Variants in PXDNL observed in about 807,000 individuals in gnomAD.
PXDNL encodes the protein peroxidasin like, also known as probable oxidoreductase PXDNL.
In PXDNL, 145 loss-of-function variants were observed where a neutral mutation model predicts 150.8. The observed-to-expected ratio is 0.96, with a 90% confidence interval of 0.84 to 1.10. The LOEUF is 1.10. PXDNL is among the 50% of genes least tolerant of loss of function. The probability of loss-of-function intolerance (pLI) is 0.00; values close to 1 mark genes in which losing one functional copy is unlikely to be tolerated. For synonymous variants in PXDNL, 757 were observed against 725.7 expected, an observed-to-expected ratio of 1.04 and a Z score of -0.69; for missense variants, 2,087 against 1,873.9, an observed-to-expected ratio of 1.11 and a Z score of -2.10.
intron 4 of PXDNL, among the ~76,000 whole-genome samples, chr8:51,514,966 C>G (rs1311553889): frequency 1.3e-5 from 2 of 152,190 alleles, no homozygotes; most frequent in Non-Finnish European, 2.9e-5. Flanking sequence ...TGGTCTGAAG[C>G]ATCATGACAT....
At position 51,435,694 on chromosome 8, in the gene PXDNL, G is replaced by A. The variant is rs145883293; in HGVS notation, c.1526-8936C>T. 166 of 260,902 alleles carry A rather than the reference G, an allele frequency of 6.4e-4. 1 individual carries two copies. The highest frequency in any genetic ancestry group is 3.6e-3 in the African/African-American group (153 of 42,814). The allele number at this position is 260,902 out of a possible 1,614,324, so 16.2% of individuals were successfully genotyped here. ...AAAAAGAGGCGGAGCAGCCAGCTAAGCTGGGCACCACCGCAGAGGAGGTGG... is the reference window on the plus strand; with the variant it reads ...AAAAAGAGGCGGAGCAGCCAGCTAAACTGGGCACCACCGCAGAGGAGGTGG... On this transcript the variant is annotated intron_variant, in intron 12 of 22. Coordinates refer to ENST00000356297, the MANE Select transcript of PXDNL (RefSeq NM_144651.5).
Position 51,447,096 on chromosome 8 carries a change from G to A in PXDNL, c.1433C>T (p.Ala478Val), listed in dbSNP as rs111408510. 2.6e-3 allele frequency: 4,155 copies of A among 1,613,890 alleles called. 85 individuals carry two copies. In the African/African-American group the frequency reaches 0.047, roughly 18 times the overall value. The change falls in exon 12 of 23, where the codon GCA (alanine) becomes GTA (valine). Residue 478 changes from alanine to valine, a missense_variant. Physicochemically the swap from Ala to Val is moderately conservative, Grantham distance 64. Transcript: ENST00000356297. ...LSSGTLRIDR[A>V]AQHDQGQYEC... ...ATATTGGCCTTGATCGTGCTGTGCT[G>A]CACGGTCAATTCTCAAAGTGCCAGA...
intron 4 of PXDNL, among the ~76,000 whole-genome samples, chr8:51,526,392 T>C (rs1811771765): frequency 6.6e-6 from 1 of 152,024 alleles, no homozygotes; most frequent in African/African-American, 2.4e-5. Context: ...ACGAGGTCAG[T>C]GCCAATGTTG....
chr8:51,713,854 T>A (rs967174497), intron 1 of PXDNL, among the ~76,000 whole-genome samples: 1 of 152,184 alleles, frequency 6.6e-6, no homozygotes, highest in Admixed American at 6.5e-5. Context: ...AAGCAAATAG[T>A]CACTTGTTTT....
At chr8:51,756,393 G>GAAAAAAAAAAAAAAAA (rs199827186) in intron 1 of PXDNL, among the ~76,000 whole-genome samples, 1 of 88,720 alleles carries the variant, frequency 1.1e-5, no homozygotes. Context: ...CCCCATCACA[G>GAAAAAAAAAAAAAAAA]AAAAAAAAAA....
intron 12 of PXDNL, chr8:51,435,751 C>T (rs990354459): frequency 2.9e-5 from 11 of 382,038 alleles, no homozygotes; most frequent in African/African-American, 1.3e-4. Flanking sequence ...TCCCAGGCCC[C>T]GTTTGCAAGG....
chr8:51,561,932 A>G (rs1233780485), intron 3 of PXDNL, among the ~76,000 whole-genome samples: 2 of 151,984 alleles, frequency 1.3e-5, no homozygotes, highest in Admixed American at 6.6e-5. Flanking sequence ...TCTAAATTAT[A>G]TAAAATAACT....
In PXDNL at chr8:51,800,610, G is replaced by A. The variant is rs552356714; in HGVS notation, c.164+8571C>T. Among the ~76,000 whole-genome samples the A allele has an allele frequency of 2.6e-5, 4 of 152,200 alleles. No homozygotes were observed. The East Asian group carries it at 7.7e-4, about 29-fold the overall frequency. On this transcript the variant is annotated intron_variant, in intron 1 of 22. Transcript: ENST00000356297. ...GGAGGGACCAGCTGGAGCCACGGCA[G>A]AGGAACATAAATTGTGAAGATTTCA...
intron 13 of PXDNL, among the ~76,000 whole-genome samples, chr8:51,424,451 G>A (rs1233838192): frequency 6.6e-6 from 1 of 151,838 alleles, no homozygotes; most frequent in Non-Finnish European, 1.5e-5. Flanking sequence ...TTTTATTAAT[G>A]TATTTCTAAT....
intron 1 of PXDNL, among the ~76,000 whole-genome samples, chr8:51,690,720 T>C (rs1208410903): frequency 1.3e-5 from 2 of 151,880 alleles, no homozygotes; most frequent in East Asian, 3.9e-4. Context: ...GTATTTCTAG[T>C]TCTAGATCCC....
chr8:51,392,782 T>C (rs917710571), intron 17 of PXDNL, among the ~76,000 whole-genome samples: 1 of 152,324 alleles, frequency 6.6e-6, no homozygotes. Context: ...CTATGTTGAA[T>C]AGGAGTGGTG....
At chr8:51,801,586 C>T (rs1287230077) in intron 1 of PXDNL, among the ~76,000 whole-genome samples, 3 of 152,126 alleles carry the variant, frequency 2.0e-5, no homozygotes, top group African/African-American at 7.2e-5. Flanking sequence ...TCTTTGCACT[C>T]TTTCTCTTTA....
chr8:51,622,199 C>T (rs6473630), intron 2 of PXDNL, among the ~76,000 whole-genome samples: 42,981 of 151,856 alleles, frequency 0.28, 6,430 homozygotes, highest in Admixed American at 0.38. Flanking sequence ...ACCCACTGGC[C>T]GGCAAGGAAG....
chr8:51,611,492 T>C (rs1813999886), intron 2 of PXDNL, among the ~76,000 whole-genome samples: 1 of 152,242 alleles, frequency 6.6e-6, no homozygotes. Flanking sequence ...TGTAATTGAC[T>C]GTTTTCAAAG....
At chr8:51,725,947 A>C (rs935634816) in intron 1 of PXDNL, among the ~76,000 whole-genome samples, 2 of 152,192 alleles carry the variant, frequency 1.3e-5, no homozygotes, top group African/African-American at 4.8e-5. Context: ...ATTGGCCTCT[A>C]TGTTTTGGTT....
At chr8:51,493,133 C>T (rs1184155514) in intron 5 of PXDNL, among the ~76,000 whole-genome samples, 1 of 152,218 alleles carries the variant, frequency 6.6e-6, no homozygotes, top group Non-Finnish European at 1.5e-5. Flanking sequence ...CCAATATCCA[C>T]TGTTCTGCAG....
intron 3 of PXDNL, among the ~76,000 whole-genome samples, chr8:51,565,506 C>T (rs1812807432): frequency 6.6e-6 from 1 of 151,428 alleles, no homozygotes; most frequent in South Asian, 2.1e-4. Context: ...TATATTTTTT[C>T]ACTGTAATAA....
rs2130685615 is a variant in PXDNL at position 51,341,520 on chromosome 8, T to C, written c.4017-1767A>G. ...ATCTATTTGAAACTATACAGTACCA[T>C]TTATTAACTATGGGTACTAGGTTGT... On this transcript the variant is annotated intron_variant, in intron 20 of 22. Coordinates refer to ENST00000356297, the MANE Select transcript of PXDNL (RefSeq NM_144651.5). Among the ~76,000 whole-genome samples, 2 of 152,326 alleles carry C rather than the reference T, an allele frequency of 1.3e-5. 1 individual carries two copies. Among genetic ancestry groups the C allele is most frequent in the South Asian group, 4.1e-4 (2 of 4,826 alleles).
intron 4 of PXDNL, among the ~76,000 whole-genome samples, chr8:51,510,406 T>C (rs551704475): frequency 8.5e-4 from 130 of 152,342 alleles, no homozygotes; most frequent in Non-Finnish European, 1.5e-3. Flanking sequence ...GATGGGTTTG[T>C]TGTGACTCAA....
Sources: gnomAD v4.1 joint callset for allele counts (sites outside exome capture counted in the v4.1 genomes callset) on GRCh38, gnomAD v4.1.1 for gene constraint, MANE v1.5 for transcripts, NCBI Gene and HGNC (gene_info 2026-07-23, HGNC 2026-07-21) for gene names.